The following RNLS variants were observed in gnomAD, a reference collection of about 807,000 sequenced individuals.
RNLS encodes the protein renalase.
A neutral mutation model predicts 39.8 loss-of-function variants in RNLS; 39 were observed. The observed-to-expected ratio is 0.98, with a 90% CI of 0.76 to 1.28. RNLS has a LOEUF of 1.28. RNLS is among the 50% of genes most tolerant of loss of function. RNLS has a pLI of 0.00. For synonymous variants in RNLS, 147 were observed against 150.7 expected (o/e 0.98, Z 0.18); for missense variants, 410 against 413.3 (o/e 0.99, Z 0.07).
At chr10:88,224,430 A>G in the RNLS span, among the ~76,000 whole-genome samples, 1 of 152,216 alleles carries the variant, frequency 6.6e-6, no homozygotes, top group East Asian at 1.9e-4. Context: ...AGATATGAGA[A>G]AGACCATGAA....
chr10:88,206,446 G>T, the RNLS span, among the ~76,000 whole-genome samples: 6 of 152,280 alleles, frequency 3.9e-5, no homozygotes, highest in East Asian at 1.2e-3. Context: ...CTATCCTGGA[G>T]AGCTGATATT....
At chr10:88,292,537 A>G (rs1430570767) in intron 6 of RNLS, among the ~76,000 whole-genome samples, 3 of 151,026 alleles carry the variant, frequency 2.0e-5, no homozygotes, top group African/African-American at 7.3e-5. Context: ...CCTGATACTG[A>G]TCTCTTATTT....
intron 6 of RNLS, among the ~76,000 whole-genome samples, chr10:88,309,168 A>T (rs1056359996): frequency 6.6e-6 from 1 of 152,106 alleles, no homozygotes; most frequent in African/African-American, 2.4e-5. Context: ...CAGGAGAAAT[A>T]ATGGGTACTA....
the RNLS span, among the ~76,000 whole-genome samples, chr10:88,249,542 G>A: frequency 6.6e-6 from 1 of 152,166 alleles, no homozygotes; most frequent in Non-Finnish European, 1.5e-5. Context: ...CAGGTGTGAA[G>A]ACTCAAAGAC....
chr10:88,423,879 G>A (rs1214366380), intron 4 of RNLS, among the ~76,000 whole-genome samples: 1 of 152,154 alleles, frequency 6.6e-6, no homozygotes, highest in East Asian at 1.9e-4. Context: ...ATGTTGTGGG[G>A]TCAAGAGCAC....
intron 4 of RNLS, among the ~76,000 whole-genome samples, chr10:88,402,053 G>C (rs1327023907): frequency 6.6e-6 from 1 of 152,018 alleles, no homozygotes; most frequent in Non-Finnish European, 1.5e-5. Context: ...AGAGGGTCTA[G>C]TTAAAAATGG....
intron 6 of RNLS, among the ~76,000 whole-genome samples, chr10:88,295,649 T>C (rs1026508495): frequency 6.6e-6 from 1 of 152,178 alleles, no homozygotes; most frequent in African/African-American, 2.4e-5. Flanking sequence ...CAATGTGGTT[T>C]GGTCAATTCT....
chr10:88,186,881 G>A, the RNLS span, among the ~76,000 whole-genome samples: 3 of 151,998 alleles, frequency 2.0e-5, no homozygotes, highest in Non-Finnish European at 4.4e-5. Flanking sequence ...GGCAGAATTT[G>A]TACAGTTCAG....
In RNLS at chr10:88,583,213, C is replaced by T. The variant is rs780663976; in HGVS notation, c.-23G>A. On this transcript the variant is annotated 5_prime_UTR_variant, in exon 1 of 7. Coordinates refer to ENST00000331772, the MANE Select transcript of RNLS (RefSeq NM_001031709.3). ...CATGGCGAGAGGGAGCAGCGATCCG[C>T]GCTGAGTCTCTGCGGCGGGGCCGTT... 5.6e-6 allele frequency: 9 copies of T among 1,612,710 alleles called. No individual in the cohort carries two copies. Among genetic ancestry groups the T allele is most frequent in the African/African-American group, 4.0e-5 (3 of 75,038 alleles).
intron 4 of RNLS, among the ~76,000 whole-genome samples, chr10:88,559,410 A>G (rs1000480495): frequency 2.6e-5 from 4 of 151,986 alleles, no homozygotes; most frequent in Non-Finnish European, 5.9e-5. Flanking sequence ...ATGAACTAAG[A>G]CCCCTGTCAT....
chr10:88,575,153 TATATATACACAC>T lies in RNLS; in HGVS notation c.368-2104_368-2093del, dbSNP rs373883273. Reference sequence around the variant, plus strand: ...ATATATATATATATATATATATATATATATATACACACACACACACACACACATATTATATAT... The same window carrying T: ...ATATATATATATATATATATATATATACACACACACACACATATTATATAT... On this transcript the variant is annotated intron_variant, in intron 3 of 6. Transcript: ENST00000331772. 4.8e-3 allele frequency among the ~76,000 whole-genome samples: 251 copies of T among 52,210 alleles called. 1 individual carries two copies. The highest frequency in any genetic ancestry group is 0.017 in the South Asian group (25 of 1,430). The allele number at this position is 52,210 out of a possible 152,430, so 34.3% of individuals were successfully genotyped here.
chr10:88,484,595 A>C (rs951300679), intron 4 of RNLS, among the ~76,000 whole-genome samples: 1 of 152,018 alleles, frequency 6.6e-6, no homozygotes, highest in African/African-American at 2.4e-5. Flanking sequence ...AGAAGATTAT[A>C]ATGAGAAGAG....
At chr10:88,262,163 G>T in the RNLS span, among the ~76,000 whole-genome samples, 1 of 152,224 alleles carries the variant, frequency 6.6e-6, no homozygotes, top group Non-Finnish European at 1.5e-5. Flanking sequence ...CAAACGCCTT[G>T]TATATCTATC....
intron 4 of RNLS, among the ~76,000 whole-genome samples, chr10:88,484,953 A>G (rs778807468): frequency 3.3e-5 from 5 of 151,968 alleles, no homozygotes; most frequent in Non-Finnish European, 5.9e-5. Context: ...TATATCTCAT[A>G]TATTTTGTCA....
chr10:88,374,456 ACT>A (rs2133452459), intron 4 of RNLS, among the ~76,000 whole-genome samples: 1 of 152,156 alleles, frequency 6.6e-6, no homozygotes, highest in South Asian at 2.1e-4. Flanking sequence ...CATATTCAAG[ACT>A]CATGGTTTTC....
the RNLS span, among the ~76,000 whole-genome samples, chr10:88,243,049 A>G: frequency 6.6e-6 from 1 of 152,254 alleles, no homozygotes; most frequent in African/African-American, 2.4e-5. Flanking sequence ...AACATTGATC[A>G]GTTTAAGTCT....
intron 4 of RNLS, among the ~76,000 whole-genome samples, chr10:88,562,936 A>G (rs939752059): frequency 6.6e-6 from 1 of 152,194 alleles, no homozygotes; most frequent in African/African-American, 2.4e-5. Flanking sequence ...CCAAGTAACC[A>G]TAAATCAACA....
downstream of RNLS, among the ~76,000 whole-genome samples, chr10:88,271,217 G>C (rs145022708): frequency 6.6e-6 from 1 of 152,238 alleles, no homozygotes; most frequent in Non-Finnish European, 1.5e-5. Context: ...AATGTCACTG[G>C]GTACATCTGA....
At chr10:88,226,089 A>G in the RNLS span, among the ~76,000 whole-genome samples, 1 of 152,300 alleles carries the variant, frequency 6.6e-6, no homozygotes, top group South Asian at 2.1e-4. Flanking sequence ...AGTTTTCCCA[A>G]CTTTTGAACT....
Sources: gnomAD v4.1 joint callset for allele counts (sites outside exome capture counted in the v4.1 genomes callset) on GRCh38, gnomAD v4.1.1 for gene constraint, MANE v1.5 for transcripts, NCBI Gene and HGNC (gene_info 2026-07-23, HGNC 2026-07-21) for gene names.